Variants in LZTFL1 observed in about 807,000 individuals in gnomAD.
The protein encoded by LZTFL1 is leucine zipper transcription factor like 1, also known as leucine zipper transcription factor-like protein 1.
Under a neutral mutation model 45.9 loss-of-function variants are expected in LZTFL1, and 25 were observed. The observed-to-expected ratio is 0.54, with a 90% CI of 0.40 to 0.76. LZTFL1 has a LOEUF of 0.76. LZTFL1 is among the 30% of genes least tolerant of loss of function. The pLI, the probability that LZTFL1 is intolerant of heterozygous loss-of-function variation, is 0.00. For synonymous variants in LZTFL1, 93 were observed against 117.4 expected (o/e 0.79, Z 1.35); for missense variants, 277 against 331.1 (o/e 0.84, Z 1.27).
chr3:45,855,473 G>T (rs1474793797), intron 3 of LZTFL1, among the ~76,000 whole-genome samples: 1 of 152,170 alleles, frequency 6.6e-6, no homozygotes, highest in Non-Finnish European at 1.5e-5. Context: ...ATGGGCAAAA[G>T]CTGAAACTGT....
chr3:45,909,296 A>C (rs184848648), intron 2 of LZTFL1, among the ~76,000 whole-genome samples: 1 of 152,332 alleles, frequency 6.6e-6, no homozygotes, highest in East Asian at 1.9e-4. Flanking sequence ...CTGCAGGTCC[A>C]TGGAAAAACT....
intron 3 of LZTFL1, among the ~76,000 whole-genome samples, chr3:45,857,903 G>GT (rs1285103475): frequency 6.6e-6 from 1 of 152,022 alleles, no homozygotes; most frequent in Non-Finnish European, 1.5e-5. Flanking sequence ...CAAGTCCATA[G>GT]TTTATTTGTT....
intron 5 of LZTFL1, chr3:45,832,727 A>G (rs1429984415): frequency 5.2e-6 from 1 of 191,268 alleles, no homozygotes; most frequent in Non-Finnish European, 1.1e-5. Flanking sequence ...ACACCCGGCT[A>G]ATTGATAAAT....
At chr3:45,887,924 T>C (rs1258765051) in intron 2 of LZTFL1, among the ~76,000 whole-genome samples, 1 of 152,202 alleles carries the variant, frequency 6.6e-6, no homozygotes, top group East Asian at 1.9e-4. Flanking sequence ...GTGTAGCAAA[T>C]TGTACAAAGT....
At chr3:45,909,265 A>C (rs1053451562) in intron 2 of LZTFL1, among the ~76,000 whole-genome samples, 1 of 152,200 alleles carries the variant, frequency 6.6e-6, no homozygotes, top group Non-Finnish European at 1.5e-5. Context: ...GAATCATCCC[A>C]AAATCACCTC....
chr3:45,826,002 A>G lies in LZTFL1; in HGVS notation c.*312T>C, dbSNP rs1040231414. 3 of 305,066 alleles carry G rather than the reference A, an allele frequency of 9.8e-6. No individual in the cohort carries two copies. Among genetic ancestry groups the G allele is most frequent in the African/African-American group, 2.2e-5 (1 of 46,454 alleles). The allele number at this position is 305,066 out of a possible 1,614,324, so 18.9% of individuals were successfully genotyped here. A position where few individuals can be genotyped will look rare whatever the true frequency, so the allele number is the denominator to read the frequency against. ...CATTTATTAAAAATACAGACTCTTTATACTAATGCAGAAGGATAAGCCTCT... is the reference window on the plus strand; with the variant it reads ...CATTTATTAAAAATACAGACTCTTTGTACTAATGCAGAAGGATAAGCCTCT... On this transcript the variant is annotated 3_prime_UTR_variant, in exon 10 of 10. Transcript: ENST00000296135.
At chr3:45,867,449 T>G (rs2125713557) in intron 2 of LZTFL1, among the ~76,000 whole-genome samples, 1 of 152,298 alleles carries the variant, frequency 6.6e-6, no homozygotes, top group Non-Finnish European at 1.5e-5. Flanking sequence ...CCTGCTAGTC[T>G]GAACACATCC....
At chr3:45,887,276 A>T (rs986725822) in intron 2 of LZTFL1, among the ~76,000 whole-genome samples, 1 of 138,840 alleles carries the variant, frequency 7.2e-6, no homozygotes, top group African/African-American at 2.8e-5. Context: ...TGTGTGTGTG[A>T]GGTTGTGTTA....
chr3:45,892,065 G>A (rs1294709515), intron 2 of LZTFL1, among the ~76,000 whole-genome samples: 2 of 152,134 alleles, frequency 1.3e-5, no homozygotes, highest in Non-Finnish European at 2.9e-5. Flanking sequence ...TGGCTGTTTA[G>A]TGGAGAAAGA....
chr3:45,862,168 G>A lies in LZTFL1; in HGVS notation c.-214-3152C>T, dbSNP rs144946581. Among the ~76,000 whole-genome samples the A allele has an allele frequency of 1.2e-4, 19 of 152,322 alleles. No individual in the cohort carries two copies. In the East Asian group the frequency reaches 3.7e-3, roughly 29 times the overall value. Reference sequence around the variant, plus strand: ...AAACAGACATGGTCTCTGTTCTTGGGAGGTAAAGTGAGTCTTAAAGCTGTG... The same window carrying A: ...AAACAGACATGGTCTCTGTTCTTGGAAGGTAAAGTGAGTCTTAAAGCTGTG... On this transcript the variant is annotated intron_variant, in intron 2 of 4. Coordinates refer to the LZTFL1 transcript ENST00000472635.
intron 2 of LZTFL1, among the ~76,000 whole-genome samples, chr3:45,906,150 C>T (rs1702674718): frequency 6.6e-6 from 1 of 152,180 alleles, no homozygotes; most frequent in Non-Finnish European, 1.5e-5. Flanking sequence ...GGTAAGAACA[C>T]TGGGTATGCA....
intron 2 of LZTFL1, among the ~76,000 whole-genome samples, chr3:45,910,532 G>C (rs1234766095): frequency 6.6e-6 from 1 of 152,160 alleles, no homozygotes; most frequent in Non-Finnish European, 1.5e-5. Context: ...ACCTGGCTAG[G>C]AGCAGCTTCC....
intron 2 of LZTFL1, among the ~76,000 whole-genome samples, chr3:45,866,602 G>A (rs1298415535): frequency 6.6e-6 from 1 of 152,164 alleles, no homozygotes; most frequent in African/African-American, 2.4e-5. Flanking sequence ...AGTATATAAT[G>A]AGGGCTTTTT....
intron 3 of LZTFL1, among the ~76,000 whole-genome samples, chr3:45,857,425 A>G (rs1701411170): frequency 1.3e-5 from 2 of 152,198 alleles, no homozygotes; most frequent in South Asian, 4.1e-4. Flanking sequence ...GTGAGGTGTA[A>G]TATCTAGGTG....
chr3:45,842,214 C>T (rs1026808306), upstream of LZTFL1: 8 of 1,406,230 alleles, frequency 5.7e-6, no homozygotes, highest in Admixed American at 1.9e-4. Flanking sequence ...AACCGGTTGA[C>T]TGCCACATGC....
At chr3:45,828,118 C>T (rs1700715272) in intron 8 of LZTFL1, among the ~76,000 whole-genome samples, 1 of 152,076 alleles carries the variant, frequency 6.6e-6, no homozygotes, top group Non-Finnish European at 1.5e-5. Context: ...GTCCCTCATC[C>T]CTCTGCAGGC....
intron 2 of LZTFL1, among the ~76,000 whole-genome samples, chr3:45,862,225 T>G (rs1171226019): frequency 6.6e-6 from 1 of 152,218 alleles, no homozygotes; most frequent in Non-Finnish European, 1.5e-5. Flanking sequence ...GCTCTTCCTT[T>G]GAAGAAACTT....
rs1297141162 is a variant in LZTFL1 at position 45,826,224 on chromosome 3, G to A, written c.*90C>T. The A allele has an allele frequency of 1.0e-5, 11 of 1,064,506 alleles. No homozygotes were observed. The Admixed American group carries it at 1.9e-4, about 18-fold the overall frequency. 65.9% of individuals were successfully genotyped at this position (1,064,506 alleles called of 1,614,324 possible). ...TAAATATTAGAAAAATAAGGAGAGG[G>A]GATATGACAAAATGCTTTTCAAAAT... is the stretch of plus-strand genomic sequence containing the variant. On this transcript the variant is annotated 3_prime_UTR_variant, in exon 10 of 10. Coordinates refer to ENST00000296135, the MANE Select transcript of LZTFL1 (RefSeq NM_020347.4).
intron 2 of LZTFL1, among the ~76,000 whole-genome samples, chr3:45,877,635 G>C (rs1701770745): frequency 6.6e-6 from 1 of 151,948 alleles, no homozygotes; most frequent in South Asian, 2.1e-4. Flanking sequence ...TTCCAAATAT[G>C]GTTAATACTG....
Sources: allele counts gnomAD v4.1 joint callset (sites outside exome capture counted in the v4.1 genomes callset), GRCh38; gene constraint gnomAD v4.1.1; transcripts MANE v1.5; gene names NCBI Gene and HGNC (gene_info 2026-07-23, HGNC 2026-07-21).